The following RFT1 variants were observed in gnomAD, a reference collection of about 807,000 sequenced individuals.
RFT1 encodes man(5)GlcNAc(2)-PP-dolichol translocation protein RFT1.
In RFT1, 43 loss-of-function variants were observed where a neutral mutation model predicts 62.2. The ratio of observed to expected loss-of-function variants is 0.69; its 90% CI spans 0.54 to 0.89. The LOEUF is 0.89. Among genes scored for constraint, RFT1 ranks in the 40% least tolerant of loss-of-function variants. The pLI is 0.00. For missense variants in RFT1, 605 were observed against 649.9 expected, an observed-to-expected ratio of 0.93 and a Z score of 0.75; for synonymous variants, 262 against 264.6, an observed-to-expected ratio of 0.99 and a Z score of 0.10.
intron 10 of RFT1, chr3:53,103,595 A>T (rs1701377065): frequency 2.8e-6 from 1 of 351,548 alleles, no homozygotes; most frequent in Non-Finnish European, 5.5e-6. Flanking sequence ...TTTAGTACCA[A>T]GTGGAGACTC....
At chr3:53,082,897 T>G in the RFT1 span, among the ~76,000 whole-genome samples, 1 of 152,056 alleles carries the variant, frequency 6.6e-6, no homozygotes. Flanking sequence ...TTCGTGTACT[T>G]CAAAAGACAG....
Position 53,092,527 on chromosome 3 carries a change from C to G in RFT1, c.1300G>C (p.Ala434Pro). Residue 434 changes from alanine (A) to proline (P), a missense_variant, in exon 12 of 13, where the codon GCC (alanine) becomes CCC (proline). Physicochemically the swap from Ala to Pro is conservative, Grantham distance 27 (BLOSUM62 -1). Coordinates refer to ENST00000296292, the MANE Select transcript of RFT1 (RefSeq NM_052859.4). ...CGAATGCCCATGTTAAAGCAGTTGG[C>G]CAAGATGAAGCCCACGCTGCCACAC... ...RWCGSVGFIL[A>P]NCFNMGIRIT... 2 of 1,612,292 alleles carry G rather than the reference C, an allele frequency of 1.2e-6. No homozygotes were observed. The highest frequency in any genetic ancestry group is 2.2e-5 in the South Asian group (2 of 90,370).
chr3:53,098,577 A>T (rs548396345), intron 11 of RFT1, among the ~76,000 whole-genome samples: 5 of 152,160 alleles, frequency 3.3e-5, no homozygotes, highest in South Asian at 2.1e-4. Flanking sequence ...CCAAGGCGGG[A>T]GAATCACAAG....
chr3:53,122,326 T>G, intron 4 of RFT1, 48 bp downstream of exon 4: 3 of 1,573,670 alleles, frequency 1.9e-6, no homozygotes, highest in Non-Finnish European at 2.6e-6. Context: ...AAAACAACGC[T>G]TTTTCTTATT....
chr3:53,119,338 C>A (rs931052274), intron 6 of RFT1, among the ~76,000 whole-genome samples: 1 of 152,166 alleles, frequency 6.6e-6, no homozygotes, highest in Admixed American at 6.5e-5. Context: ...AATGGTGGAG[C>A]CTGTGCTCTG....
chr3:53,127,446 A>G (rs991049272), intron 1 of RFT1, among the ~76,000 whole-genome samples: 1 of 152,140 alleles, frequency 6.6e-6, no homozygotes, highest in Admixed American at 6.5e-5. Context: ...TCATGCCTGT[A>G]ATCCCAGCAC....
intron 7 of RFT1, among the ~76,000 whole-genome samples, chr3:53,109,984 G>T (rs1366181312): frequency 6.6e-6 from 1 of 152,112 alleles, no homozygotes; most frequent in Non-Finnish European, 1.5e-5. Flanking sequence ...TGCCAGTCAG[G>T]GAGTCAGGCT....
At chr3:53,103,723 T>C (rs185230208) in intron 10 of RFT1, 1 of 561,658 alleles carries the variant, frequency 1.8e-6, no homozygotes, top group Admixed American at 2.9e-5. Context: ...CCTAATAACT[T>C]CTCCAAGTGA....
At chr3:53,087,791 G>A (rs971317595), downstream of RFT1, among the ~76,000 whole-genome samples, 7 of 152,250 alleles carry the variant, frequency 4.6e-5, no homozygotes, top group Non-Finnish European at 1.0e-4. Flanking sequence ...AAAGTGTTGA[G>A]ATTATAGGCG....
At chr3:53,101,417 C>T (rs576026284) in intron 10 of RFT1, among the ~76,000 whole-genome samples, 17 of 152,280 alleles carry the variant, frequency 1.1e-4, no homozygotes, top group African/African-American at 3.1e-4. Flanking sequence ...TAACTGAACG[C>T]TAATGGCACA....
chr3:53,110,762 G>T (rs1017322262), intron 7 of RFT1, among the ~76,000 whole-genome samples: 1 of 151,848 alleles, frequency 6.6e-6, no homozygotes, highest in South Asian at 2.1e-4. Context: ...ATAATTAAAA[G>T]AAAATTTTTG....
chr3:53,128,598 A>C (rs1185198285), intron 1 of RFT1, among the ~76,000 whole-genome samples: 1 of 152,184 alleles, frequency 6.6e-6, no homozygotes, highest in African/African-American at 2.4e-5. Flanking sequence ...CTGAGGCCTC[A>C]ACCTCACAGA....
chr3:53,103,667 A>G, intron 10 of RFT1: 1 of 425,784 alleles, frequency 2.3e-6, no homozygotes, highest in Non-Finnish European at 4.4e-6. Context: ...AGCGCTTGGC[A>G]AAACACATTC....
At chr3:53,071,833 G>C in the RFT1 span, among the ~76,000 whole-genome samples, 2 of 152,224 alleles carry the variant, frequency 1.3e-5, no homozygotes, top group Non-Finnish European at 2.9e-5. Context: ...CCCAAGTCTG[G>C]CTGTAAGAAC....
rs749046487 is a variant in RFT1 at position 53,092,511 on chromosome 3, A to G, written c.1316T>C (p.Met439Thr). ...VGFILANCFN[M>T]GIRITQSLCF... ...AAGGCTCTGCGTGATCCGAATGCCC[A>G]TGTTAAAGCAGTTGGCCAAGATGAA... The change falls in exon 12 of 13, where the codon ATG becomes ACG. Residue 439 changes from methionine to threonine, a missense_variant. Transcript: ENST00000296292. The G allele has an allele frequency of 1.2e-6, 2 of 1,612,558 alleles. No homozygotes were observed. The highest frequency in any genetic ancestry group is 1.7e-6 in the Non-Finnish European group (2 of 1,179,638).
chr3:53,110,754 A>G (rs1701625399), intron 7 of RFT1, among the ~76,000 whole-genome samples: 1 of 152,146 alleles, frequency 6.6e-6, no homozygotes, highest in Non-Finnish European at 1.5e-5. Flanking sequence ...TATATTTTAT[A>G]ATTAAAAGAA....
chr3:53,083,118 T>C, the RFT1 span, among the ~76,000 whole-genome samples: 2 of 147,632 alleles, frequency 1.4e-5, no homozygotes, highest in South Asian at 2.1e-4. Context: ...GGAGAGTCAC[T>C]TGAGCCTGGG....
At position 53,092,395 on chromosome 3, in the gene RFT1, T is replaced by G. The variant is rs1428182125; in HGVS notation, c.1432A>C (p.Ser478Arg). Residue 478 changes from serine to arginine, a missense_variant, in exon 12 of 13, where the codon AGT (serine) becomes CGT (arginine). Physicochemically the swap from Ser to Arg is moderately radical, Grantham distance 110. Coordinates refer to ENST00000296292, the MANE Select transcript of RFT1 (RefSeq NM_052859.4). ...SPVLLGTFAL[S>R]GGVTAVSEVF... Reference sequence around the variant, plus strand: ...TCCGAAACAGCAGTAACCCCACCACTGAGGGCAAATGTCCCGAGCAGGACT... The same window carrying G: ...TCCGAAACAGCAGTAACCCCACCACGGAGGGCAAATGTCCCGAGCAGGACT... The G allele has an allele frequency of 6.2e-7, 1 of 1,604,694 alleles. No individual in the cohort carries two copies. Among genetic ancestry groups the G allele is most frequent in the Non-Finnish European group, 8.5e-7 (1 of 1,176,222 alleles).
the RFT1 span, among the ~76,000 whole-genome samples, chr3:53,083,356 TAA>T: frequency 0.48 from 65,774 of 137,892 alleles, 17,202 homozygotes; most frequent in East Asian, 0.73. Context: ...TACTAAAAAT[TAA>T]AAAAAAAAAA....
Sources: allele counts gnomAD v4.1 joint callset (sites outside exome capture counted in the v4.1 genomes callset), GRCh38; gene constraint gnomAD v4.1.1; transcripts MANE v1.5; gene names NCBI Gene and HGNC (gene_info 2026-07-23, HGNC 2026-07-21).